The following FNBP1L variants were observed in gnomAD, a reference collection of about 807,000 sequenced individuals.
The protein encoded by FNBP1L is formin binding protein 1 like, also known as formin-binding protein 1-like.
FNBP1L carries 36 observed loss-of-function variants against 91.2 expected under a neutral mutation model. The observed-to-expected ratio is 0.39, with a 90% CI of 0.30 to 0.52. The LOEUF (loss-of-function observed/expected upper bound fraction) is 0.52. Among genes scored for constraint, FNBP1L ranks in the 20% least tolerant of loss-of-function variants. FNBP1L has a pLI of 0.66. For synonymous variants in FNBP1L, 242 were observed against 237.0 expected (o/e 1.02, Z -0.19); for missense variants, 571 against 732.1 (o/e 0.78, Z 2.54).
chr1:93,551,092 G>A lies in FNBP1L; in HGVS notation c.1797G>A (p.Glu599=), dbSNP rs1484705298. Residue 599 remains glutamate, a synonymous_variant, in exon 16 of 17, where the codon GAG becomes GAA. Coordinates refer to ENST00000271234, the MANE Select transcript of FNBP1L (RefSeq NM_001164473.3). ...CGTCATACATAGATGTAACTCTAGAGAAAAACAGTAAAGGTGCAGTAACTT... is the reference window on the plus strand; with the variant it reads ...CGTCATACATAGATGTAACTCTAGAAAAAAACAGTAAAGGTGCAGTAACTT... ...VPTSYIDVTL[E]KNSKGS 1 of 1,607,542 alleles carries A rather than the reference G, an allele frequency of 6.2e-7. No individual in the cohort carries two copies. The highest frequency in any genetic ancestry group is 8.5e-7 in the Non-Finnish European group (1 of 1,176,768).
In FNBP1L at chr1:93,500,166, T is replaced by C. The variant is rs142597213; in HGVS notation, c.140+583T>C. On this transcript the variant is annotated intron_variant, in intron 2 of 16. Coordinates refer to ENST00000271234, the MANE Select transcript of FNBP1L (RefSeq NM_001164473.3). The stretch of plus-strand genomic sequence containing the variant: ...AAAATGGTGCTTGAAGTCTGAAGAC[T>C]AGACACCAGTATAAAGTTTTAGCTG... Among the ~76,000 whole-genome samples the C allele has an allele frequency of 5.2e-3, 795 of 152,310 alleles. 10 individuals carry two copies. The highest frequency in any genetic ancestry group is 0.018 in the African/African-American group (753 of 41,570).
intron 2 of FNBP1L, among the ~76,000 whole-genome samples, chr1:93,516,425 G>A (rs556162471): frequency 2.0e-5 from 3 of 152,230 alleles, no homozygotes; most frequent in Admixed American, 2.0e-4. Flanking sequence ...AGGAGTTCTG[G>A]CAAGCTTTGT....
At chr1:93,522,328 G>A (rs1409029227) in intron 3 of FNBP1L, among the ~76,000 whole-genome samples, 193 bp downstream of exon 3, 1 of 152,072 alleles carries the variant, frequency 6.6e-6, no homozygotes, top group Non-Finnish European at 1.5e-5. Context: ...TTGATCAACA[G>A]TTTTCTAGAA....
At position 93,448,307 on chromosome 1, in the gene FNBP1L, TGAGTCGGGGAGAGGGG is replaced by T; in HGVS notation, c.24+3_24+18del. On this transcript the variant is annotated splice_donor_5th_base_variant and intron_variant, in intron 1 of 16. Coordinates refer to ENST00000271234, the MANE Select transcript of FNBP1L (RefSeq NM_001164473.3). ...ATGAGCTGGGGCACGGAGCTGTGGG[TGAGTCGGGGAGAGGGG>T]CGCCCCGCACGGACCCCGGCCCCTG... 1 of 1,512,670 alleles carries T rather than the reference TGAGTCGGGGAGAGGGG, an allele frequency of 6.6e-7. No individual in the cohort carries two copies. Among genetic ancestry groups the T allele is most frequent in the Non-Finnish European group, 8.8e-7 (1 of 1,130,870 alleles). 93.7% of individuals were successfully genotyped at this position (1,512,670 alleles called of 1,614,324 possible). A position where few individuals can be genotyped will look rare whatever the true frequency, so the allele number is the denominator to read the frequency against.
At chr1:93,518,938 T>G (rs763544381) in intron 2 of FNBP1L, among the ~76,000 whole-genome samples, 4 of 152,258 alleles carry the variant, frequency 2.6e-5, no homozygotes, top group Non-Finnish European at 4.4e-5. Context: ...TGAATTATTC[T>G]GTTGATCATG....
intron 1 of FNBP1L, among the ~76,000 whole-genome samples, chr1:93,494,708 A>G (rs964216347): frequency 6.6e-6 from 1 of 152,244 alleles, no homozygotes; most frequent in Non-Finnish European, 1.5e-5. Context: ...TAGCTGTATT[A>G]GTCTGTTCGC....
intron 1 of FNBP1L, among the ~76,000 whole-genome samples, chr1:93,472,684 C>A (rs1235877967): frequency 6.6e-6 from 1 of 151,528 alleles, no homozygotes; most frequent in Admixed American, 6.6e-5. Context: ...TGTTGGCGGG[C>A]GCCTGTAGTT....
chr1:93,531,088 T>C (rs1671662696), intron 7 of FNBP1L, among the ~76,000 whole-genome samples: 1 of 152,238 alleles, frequency 6.6e-6, no homozygotes, highest in Non-Finnish European at 1.5e-5. Flanking sequence ...ATTAGTGTTA[T>C]AAACAGTTTA....
chr1:93,463,740 T>C (rs1668976879), intron 1 of FNBP1L, among the ~76,000 whole-genome samples: 1 of 152,220 alleles, frequency 6.6e-6, no homozygotes, highest in African/African-American at 2.4e-5. Context: ...ACAGTGATTA[T>C]GTGCAGTTCC....
At chr1:93,451,886 G>A (rs922355603) in intron 1 of FNBP1L, among the ~76,000 whole-genome samples, 1 of 152,154 alleles carries the variant, frequency 6.6e-6, no homozygotes, top group East Asian at 1.9e-4. Context: ...TCCTGACATT[G>A]TGATCCGCCC....
At position 93,544,117 on chromosome 1, in the gene FNBP1L, TAGA is replaced by T; in HGVS notation, c.1179_1181del (p.Glu393del). On this transcript the variant is annotated inframe_deletion, in exon 12 of 17. Transcript: ENST00000271234. ...AGATTCTCTTTTCAGGGCCCAGCAC[TAGA>T]AGATTTCAGTCATCTGCCACCAGAA... 6.2e-7 allele frequency: 1 copy of T among 1,607,678 alleles called. No homozygotes were observed. Among genetic ancestry groups the T allele is most frequent in the Non-Finnish European group, 8.5e-7 (1 of 1,176,360 alleles).
At chr1:93,456,837 A>C (rs1668685558) in intron 1 of FNBP1L, among the ~76,000 whole-genome samples, 1 of 152,134 alleles carries the variant, frequency 6.6e-6, no homozygotes, top group Admixed American at 6.5e-5. Context: ...AAGCCACTGA[A>C]TCCCTCTATT....
chr1:93,526,090 G>A (rs947168258), intron 5 of FNBP1L, among the ~76,000 whole-genome samples: 1 of 152,098 alleles, frequency 6.6e-6, no homozygotes, highest in African/African-American at 2.4e-5. Context: ...TTAAAAGACA[G>A]TTATTAACCT....
intron 1 of FNBP1L, among the ~76,000 whole-genome samples, chr1:93,459,961 G>GTA (rs1169954186): frequency 1.3e-5 from 2 of 149,126 alleles, no homozygotes; most frequent in African/African-American, 4.9e-5. Flanking sequence ...GTGTGTGTGT[G>GTA]TGTGTGTGTG....
At position 93,554,141 on chromosome 1, in the gene FNBP1L, C is replaced by G. The variant is rs368381843; in HGVS notation, c.*1725C>G. On this transcript the variant is annotated 3_prime_UTR_variant, in exon 17 of 17. Coordinates refer to ENST00000271234, the MANE Select transcript of FNBP1L (RefSeq NM_001164473.3). The stretch of plus-strand genomic sequence containing the variant: ...AAAGTTTAGATATTGAATCTCGTTA[C>G]AGGGTTATTTATATAATGTGACATT... 5 of 152,562 alleles carry G rather than the reference C, an allele frequency of 3.3e-5. No individual in the cohort carries two copies. In the East Asian group the frequency reaches 7.7e-4, roughly 23 times the overall value. 9.5% of individuals were successfully genotyped at this position (152,562 alleles called of 1,614,324 possible).
intron 1 of FNBP1L, among the ~76,000 whole-genome samples, chr1:93,482,028 C>T (rs1008700225): frequency 2.0e-5 from 3 of 151,924 alleles, no homozygotes; most frequent in South Asian, 2.1e-4. Context: ...GTTGTAGTAG[C>T]GTGTACCTGT....
chr1:93,532,952 A>G lies in FNBP1L; in HGVS notation c.670A>G (p.Ile224Val), dbSNP rs374671121. 7.4e-5 allele frequency: 119 copies of G among 1,611,690 alleles called. No homozygotes were observed. The highest frequency in any genetic ancestry group is 2.3e-4 in the Admixed American group (14 of 59,872). ...QLQEMDERRT[I>V]KLSECYRGFA... Reference sequence around the variant, plus strand: ...ACAAGAAATGGACGAACGAAGGACTATTAAACTCAGTGAGTGTTACAGAGG... The same window carrying G: ...ACAAGAAATGGACGAACGAAGGACTGTTAAACTCAGTGAGTGTTACAGAGG... Residue 224 changes from isoleucine to valine, a missense_variant, in exon 8 of 17, where the codon ATT (isoleucine) becomes GTT (valine). Around this residue, in one of 5 missense-constraint regions of FNBP1L, gnomAD observed 220 missense variants for 313.6 expected, o/e 0.70. Coordinates refer to ENST00000271234, the MANE Select transcript of FNBP1L (RefSeq NM_001164473.3).
At chr1:93,529,370 A>ATT (rs1273991888) in intron 5 of FNBP1L, among the ~76,000 whole-genome samples, 1 of 152,064 alleles carries the variant, frequency 6.6e-6, no homozygotes, top group Non-Finnish European at 1.5e-5. Flanking sequence ...GAAAGGACAA[A>ATT]TTTTACTTAG....
At chr1:93,504,693 C>A (rs536283159) in intron 2 of FNBP1L, among the ~76,000 whole-genome samples, 26 of 152,310 alleles carry the variant, frequency 1.7e-4, no homozygotes, top group African/African-American at 6.3e-4. Context: ...GAGTTGTTAT[C>A]TCCCTGTGGT....
Sources: gnomAD v4.1 joint callset for allele counts (sites outside exome capture counted in the v4.1 genomes callset) on GRCh38, gnomAD v4.1.1 for gene constraint, gnomAD v4.1.1 regional missense constraint, MANE v1.5 for transcripts, NCBI Gene and HGNC (gene_info 2026-07-23, HGNC 2026-07-21) for gene names.